Variants in RBM25 observed in about 807,000 individuals in gnomAD.
The protein encoded by RBM25 is RNA-binding protein 25.
Under a neutral mutation model 120.7 loss-of-function variants are expected in RBM25, and 19 were observed. The observed-to-expected ratio is 0.16, with a 90% CI of 0.11 to 0.23. The LOEUF (loss-of-function observed/expected upper bound fraction) is 0.23, where lower values mean the gene tolerates loss of function less well. Among genes scored for constraint, RBM25 ranks in the 10% least tolerant of loss-of-function variants. The probability of loss-of-function intolerance (pLI) is 1.00; values close to 1 mark genes in which losing one functional copy is unlikely to be tolerated. For synonymous variants in RBM25, 390 were observed against 326.7 expected (o/e 1.19, Z -2.09); for missense variants, 605 against 1,041.5 (o/e 0.58, Z 5.77).
intron 12 of RBM25, among the ~76,000 whole-genome samples, chr14:73,106,902 G>C (rs187983657): frequency 6.7e-6 from 1 of 149,026 alleles, no homozygotes; most frequent in Non-Finnish European, 1.5e-5. Context: ...GTGTGATCTC[G>C]GCTCACTGCA....
intron 10 of RBM25, 121 bp from the exon 11 acceptor site, chr14:73,105,738 A>G (rs760596598): frequency 8.2e-5 from 118 of 1,434,044 alleles, no homozygotes; most frequent in Non-Finnish European, 1.1e-4. Context: ...ATGGAAATCA[A>G]GTGCTAGATT....
intron 5 of RBM25, among the ~76,000 whole-genome samples, chr14:73,084,650 T>G (rs542355462): frequency 2.0e-5 from 3 of 152,046 alleles, no homozygotes; most frequent in Admixed American, 2.0e-4. Flanking sequence ...CCTCCCAGGT[T>G]CAAGCAATTC....
chr14:73,094,734 G>A (rs1023019316), intron 6 of RBM25, among the ~76,000 whole-genome samples: 1 of 151,994 alleles, frequency 6.6e-6, no homozygotes, highest in African/African-American at 2.4e-5. Context: ...CACCATGTTG[G>A]TCAGGCTGGT....
At chr14:73,111,901 T>C (rs1896317191) in intron 16 of RBM25, 99 bp downstream of exon 16, 1 of 1,377,314 alleles carries the variant, frequency 7.3e-7, no homozygotes, top group Non-Finnish European at 9.8e-7. Flanking sequence ...ATTCTATTAA[T>C]GACAAATAAG....
intron 9 of RBM25, chr14:73,100,356 A>G (rs1452387636): frequency 1.5e-6 from 1 of 674,632 alleles, no homozygotes; most frequent in Non-Finnish European, 2.7e-6. Flanking sequence ...GTAACAAGGA[A>G]TAGGATGTAA....
At chr14:73,082,774 T>C (rs1338719778) in intron 4 of RBM25, among the ~76,000 whole-genome samples, 1 of 151,980 alleles carries the variant, frequency 6.6e-6, no homozygotes, top group Non-Finnish European at 1.5e-5. Flanking sequence ...CCCATGTTAA[T>C]GGGATGGCTG....
chr14:73,067,977 A>T, intron 1 of RBM25: 1 of 245,732 alleles, frequency 4.1e-6, no homozygotes, highest in Non-Finnish European at 8.0e-6. Flanking sequence ...TAGGCTTCAA[A>T]GATCTTGATG....
At chr14:73,074,904 C>T (rs1895377809) in intron 2 of RBM25, among the ~76,000 whole-genome samples, 2 of 151,480 alleles carry the variant, frequency 1.3e-5, no homozygotes, top group African/African-American at 4.9e-5. Flanking sequence ...TGGGGTTTTG[C>T]CGTGTTGGCT....
intron 4 of RBM25, among the ~76,000 whole-genome samples, chr14:73,082,794 G>T (rs1594908559): frequency 6.6e-6 from 1 of 152,054 alleles, no homozygotes; most frequent in Non-Finnish European, 1.5e-5. Flanking sequence ...GGGCGCAGTG[G>T]CTCGTGCCTG....
chr14:73,123,207 T>C lies in RBM25; in HGVS notation c.*3402T>C, dbSNP rs1896565849. ...AATCTGCCATGAATACTAGATATAG[T>C]AGAAAAACTGAGAAAACATTTAGCT... On this transcript the variant is annotated 3_prime_UTR_variant, in exon 19 of 19. Coordinates refer to ENST00000261973, the MANE Select transcript of RBM25 (RefSeq NM_021239.3). 1 of 151,958 alleles carries C rather than the reference T, an allele frequency of 6.6e-6. No individual in the cohort carries two copies. The highest frequency in any genetic ancestry group is 1.5e-5 in the Non-Finnish European group (1 of 68,016). The allele number at this position is 151,958 out of a possible 1,614,324, so 9.4% of individuals were successfully genotyped here. A position where few individuals can be genotyped will look rare whatever the true frequency, so the allele number is the denominator to read the frequency against.
chr14:73,105,831 G>A (rs1182561801), intron 10 of RBM25, 28 bp from the exon 11 acceptor site: 1 of 1,597,394 alleles, frequency 6.3e-7, no homozygotes, highest in Non-Finnish European at 8.5e-7. Flanking sequence ...TAGACTGACA[G>A]ATTTGTAAAA....
intron 2 of RBM25, among the ~76,000 whole-genome samples, chr14:73,076,065 G>T (rs1306510362): frequency 6.6e-6 from 1 of 152,142 alleles, no homozygotes; most frequent in Non-Finnish European, 1.5e-5. Context: ...TAACTATCCA[G>T]GATTTTATGC....
At chr14:73,100,476 G>A (rs1472117815) in intron 9 of RBM25, 5 of 488,598 alleles carry the variant, frequency 1.0e-5, no homozygotes, top group Non-Finnish European at 1.5e-5. Flanking sequence ...CCACTCACGA[G>A]TTTTGCCTAT....
intron 18 of RBM25, 53 bp from the exon 19 acceptor site, chr14:73,119,660 A>G: frequency 1.2e-6 from 2 of 1,602,192 alleles, no homozygotes; most frequent in South Asian, 2.3e-5. Flanking sequence ...TGTTTTTGGC[A>G]GATGTTGATG....
At chr14:73,075,556 G>C (rs1895397244) in intron 2 of RBM25, among the ~76,000 whole-genome samples, 1 of 152,162 alleles carries the variant, frequency 6.6e-6, no homozygotes, top group Non-Finnish European at 1.5e-5. Context: ...ACTGTCAAAA[G>C]ATTTGTTTTT....
rs1222608055 is a variant in RBM25, at chr14:73,112,259, TCTA to T, written c.2391+10_2391+12del. The T allele has an allele frequency of 1.3e-6, 2 of 1,559,524 alleles. No homozygotes were observed. The highest frequency in any genetic ancestry group is 2.8e-5 in the African/African-American group (2 of 71,340). ...ATTTTGTTTGTTCTAAGGTTAGTCT[TCTA>T]TTCTCTTCCATGCCAGCATTTATTT... On this transcript the variant is annotated intron_variant, in intron 17 of 18. Coordinates refer to ENST00000261973, the MANE Select transcript of RBM25 (RefSeq NM_021239.3).
intron 5 of RBM25, 47 bp downstream of exon 5, chr14:73,083,598 G>A: frequency 7.3e-7 from 1 of 1,379,182 alleles, no homozygotes; most frequent in Non-Finnish European, 9.9e-7. Flanking sequence ...TAACTAACCT[G>A]TGTGCTTAAA....
intron 17 of RBM25, among the ~76,000 whole-genome samples, chr14:73,113,992 ATAT>A (rs1217877030): frequency 1.3e-5 from 2 of 152,098 alleles, no homozygotes; most frequent in African/African-American, 4.8e-5. Flanking sequence ...TGCTCTTTTG[ATAT>A]TATGAACAGT....
intron 18 of RBM25, among the ~76,000 whole-genome samples, chr14:73,118,925 T>C (rs941572859): frequency 6.6e-6 from 1 of 151,972 alleles, no homozygotes; most frequent in African/African-American, 2.4e-5. Flanking sequence ...CCGGCCACCA[T>C]GCCCAGCTAA....
Sources: allele counts gnomAD v4.1 joint callset (sites outside exome capture counted in the v4.1 genomes callset), GRCh38; gene constraint gnomAD v4.1.1; transcripts MANE v1.5; gene names NCBI Gene and HGNC (gene_info 2026-07-23, HGNC 2026-07-21).